The following LPIN1 variants were observed in gnomAD, a reference collection of about 807,000 sequenced individuals.
LPIN1 encodes phosphatidate phosphatase LPIN1.
In LPIN1, 71 loss-of-function variants were observed where a neutral mutation model predicts 107.5. The observed-to-expected ratio is 0.66, with a 90% CI of 0.55 to 0.80. The LOEUF is 0.80. LPIN1 is among the 30% of genes least tolerant of loss of function. The pLI, the probability that LPIN1 is intolerant of heterozygous loss-of-function variation, is 0.00. For synonymous variants in LPIN1, 445 were observed against 452.6 expected, an observed-to-expected ratio of 0.98 and a Z score of 0.21; for missense variants, 1,043 against 1,160.6, an observed-to-expected ratio of 0.90 and a Z score of 1.47.
chr2:11,724,518 G>GA, exon 1 of LPIN1: 1 of 985,742 alleles, frequency 1.0e-6, no homozygotes, highest in South Asian at 4.7e-5. Flanking sequence ...GAAGAAAAAG[G>GA]AGAATCCACC....
At chr2:11,716,110 G>A (rs1663724534) in intron 2 of LPIN1, among the ~76,000 whole-genome samples, 1 of 152,160 alleles carries the variant, frequency 6.6e-6, no homozygotes, top group African/African-American at 2.4e-5. Context: ...CAAGGGACAA[G>A]GTCTGGGCTG....
Position 11,774,111 on chromosome 2 carries a change from G to A in LPIN1, c.722+366G>A, listed in dbSNP as rs928252949. Among the ~76,000 whole-genome samples the A allele has an allele frequency of 6.6e-6, 1 of 152,224 alleles. No homozygotes were observed. Among genetic ancestry groups the A allele is most frequent in the Non-Finnish European group, 1.5e-5 (1 of 68,052 alleles). ...CAGACGTTGCTTCAGGAGCTGCTGAGGTCGTTCAGGGCTATTAGAATGGTG... is the reference window on the plus strand; with the variant it reads ...CAGACGTTGCTTCAGGAGCTGCTGAAGTCGTTCAGGGCTATTAGAATGGTG... On this transcript the variant is annotated intron_variant, in intron 5 of 20. Coordinates refer to ENST00000674199, the MANE Select transcript of LPIN1 (RefSeq NM_001349206.2). This position sits in a 1 kb window ranked among gnomAD's most constrained non-coding sequence, Gnocchi z 4.4.
chr2:11,695,583 C>T (rs1364643796), intron 1 of LPIN1, among the ~76,000 whole-genome samples: 1 of 152,202 alleles, frequency 6.6e-6, no homozygotes, highest in Non-Finnish European at 1.5e-5. Context: ...CAGGTTCTTT[C>T]CTCACATGGG....
At chr2:11,734,834 C>T (rs1039532187) in intron 1 of LPIN1, among the ~76,000 whole-genome samples, 22 of 152,000 alleles carry the variant, frequency 1.4e-4, no homozygotes, top group African/African-American at 3.9e-4. Flanking sequence ...CTTAGAGAAG[C>T]GGGGGGAAGG....
intron 1 of LPIN1, among the ~76,000 whole-genome samples, chr2:11,758,417 G>A (rs1669007304): frequency 1.3e-5 from 2 of 152,050 alleles, no homozygotes; most frequent in Non-Finnish European, 2.9e-5. Context: ...CCATATCCTT[G>A]CCAACACTTG....
At chr2:11,698,014 T>C (rs904460238) in intron 1 of LPIN1, among the ~76,000 whole-genome samples, 4 of 152,088 alleles carry the variant, frequency 2.6e-5, no homozygotes, top group Non-Finnish European at 5.9e-5. Flanking sequence ...AGAGTTTCAC[T>C]GTCTCCAGCG....
intron 1 of LPIN1, among the ~76,000 whole-genome samples, chr2:11,708,491 G>C (rs1663238089): frequency 6.6e-6 from 1 of 152,218 alleles, no homozygotes; most frequent in African/African-American, 2.4e-5. Context: ...GAGGAGCTGA[G>C]GCAAGGGGGC....
At chr2:11,768,058 C>G (rs568534659) in intron 3 of LPIN1, among the ~76,000 whole-genome samples, 200 bp downstream of exon 3, 1 of 152,280 alleles carries the variant, frequency 6.6e-6, no homozygotes, top group East Asian at 1.9e-4. Flanking sequence ...ACAGACTCAG[C>G]TCTCCTGGCT....
chr2:11,809,718 G>T (rs1426379050), intron 17 of LPIN1, among the ~76,000 whole-genome samples: 1 of 152,146 alleles, frequency 6.6e-6, no homozygotes, highest in African/African-American at 2.4e-5. Context: ...GCCCGGCCTA[G>T]ATCTTTTTTC....
intron 1 of LPIN1, among the ~76,000 whole-genome samples, chr2:11,729,975 T>C (rs575442318): frequency 6.6e-5 from 10 of 152,296 alleles, no homozygotes; most frequent in African/African-American, 2.4e-4. Context: ...TAATTAATTT[T>C]AGAAAATTCT....
intron 1 of LPIN1, among the ~76,000 whole-genome samples, chr2:11,751,580 C>T (rs1250424802): frequency 1.3e-5 from 2 of 152,158 alleles, no homozygotes; most frequent in African/African-American, 4.8e-5. Flanking sequence ...CAGCTGGGCG[C>T]GGTGGCTCAC....
intron 14 of LPIN1, among the ~76,000 whole-genome samples, chr2:11,798,606 C>T (rs1318290924): frequency 6.6e-6 from 1 of 152,156 alleles, no homozygotes; most frequent in Admixed American, 6.5e-5. Flanking sequence ...ATTCGCCATT[C>T]TGAGTTAGTC....
chr2:11,707,070 T>A lies in LPIN1; in HGVS notation c.82-6686T>A, dbSNP rs568864991. 3.2e-4 allele frequency among the ~76,000 whole-genome samples: 48 copies of A among 152,158 alleles called. No homozygotes were observed. Among genetic ancestry groups the A allele is most frequent in the Non-Finnish European group, 5.4e-4 (37 of 68,026 alleles). ...TTGTAGCAATTAGCCATACAGCACC[T>A]CTTAGAGCCTGTTACACGTGAGGCA... is the stretch of plus-strand genomic sequence containing the variant. On this transcript the variant is annotated intron_variant, in intron 1 of 21. Coordinates refer to the LPIN1 transcript ENST00000449576. This position sits in a 1 kb window ranked among gnomAD's most constrained non-coding sequence, Gnocchi z 4.2.
Position 11,771,512 on chromosome 2 carries a change from C to T in LPIN1, c.429C>T (p.Ser143=), listed in dbSNP as rs145629147. The T allele has an allele frequency of 7.2e-5, 116 of 1,614,100 alleles. No homozygotes were observed. In the African/African-American group the frequency reaches 9.6e-4, roughly 13 times the overall value. ...CGCCAGCCCAAGTGATCGCTCCCAGCGAGACGCCGTCAAGCAGCTCTGTAG... is the reference window on the plus strand; with the variant it reads ...CGCCAGCCCAAGTGATCGCTCCCAGTGAGACGCCGTCAAGCAGCTCTGTAG... ...PSTPAQVIAP[S]ETPSSSSVVK... The change falls in exon 4 of 21, where the codon AGC becomes AGT. Residue 143 remains serine (S), a synonymous_variant. Transcript: ENST00000674199. This position sits in a 1 kb window ranked among gnomAD's most constrained non-coding sequence, Gnocchi z 4.8.
Position 11,795,423 on chromosome 2 carries a change from C to G in LPIN1, c.1822C>G (p.Gln608Glu), listed in dbSNP as rs1305213052. The G allele has an allele frequency of 3.1e-6, 5 of 1,613,738 alleles. No individual in the cohort carries two copies. Among genetic ancestry groups the G allele is most frequent in the Admixed American group, 3.3e-5 (2 of 60,008 alleles). The change falls in exon 14 of 21, where the codon CAG becomes GAG. Residue 608 changes from glutamine to glutamate, a missense_variant. Transcript: ENST00000674199. ...TTIKEESKPEQCLAGKAHSTG... is the reference protein window; with the variant it reads ...TTIKEESKPEECLAGKAHSTG... ...TCTTTTCTAGGAAAGTAAGCCAGAGCAGTGCTTGGCTGGCAAGGCCCATAG... is the reference window on the plus strand; with the variant it reads ...TCTTTTCTAGGAAAGTAAGCCAGAGGAGTGCTTGGCTGGCAAGGCCCATAG...
At chr2:11,751,310 G>A (rs1296222580) in intron 1 of LPIN1, among the ~76,000 whole-genome samples, 1 of 152,140 alleles carries the variant, frequency 6.6e-6, no homozygotes, top group Non-Finnish European at 1.5e-5. Context: ...GAGACTGAGT[G>A]GACCAGAGTT....
intron 1 of LPIN1, among the ~76,000 whole-genome samples, chr2:11,734,040 G>A (rs576923562): frequency 2.6e-5 from 4 of 152,062 alleles, no homozygotes; most frequent in Non-Finnish European, 5.9e-5. Context: ...TCTTTCTCCC[G>A]TACCACACTT....
intron 17 of LPIN1, among the ~76,000 whole-genome samples, chr2:11,808,089 C>T (rs1035384405): frequency 2.0e-5 from 3 of 152,116 alleles, no homozygotes; most frequent in Non-Finnish European, 2.9e-5. Flanking sequence ...GCCTTTAATG[C>T]CTGGCTCAAA....
In LPIN1 at chr2:11,697,887, C is replaced by T. The variant is rs192801317; in HGVS notation, c.82-15869C>T. ...GTGTGCTCAGAAATGCAGGTTCTCC[C>T]GAGGGGCAGCCCTCAGTCACAAGCC... is the stretch of plus-strand genomic sequence containing the variant. On this transcript the variant is annotated intron_variant, in intron 1 of 21. Coordinates refer to the LPIN1 transcript ENST00000449576. This position sits in a 1 kb window ranked among gnomAD's most constrained non-coding sequence, Gnocchi z 4.6. Among the ~76,000 whole-genome samples, 29 of 152,182 alleles carry T rather than the reference C, an allele frequency of 1.9e-4. No individual in the cohort carries two copies. The East Asian group carries it at 2.9e-3, about 15-fold the overall frequency.
Sources: gnomAD v4.1 joint callset for allele counts (sites outside exome capture counted in the v4.1 genomes callset) on GRCh38, gnomAD v4.1.1 for gene constraint, Gnocchi (gnomAD v3.1) non-coding constraint, MANE v1.5 for transcripts, NCBI Gene and HGNC (gene_info 2026-07-23, HGNC 2026-07-21) for gene names.